SERGEF: variants seen among roughly 807,000 people sequenced by gnomAD.
The protein encoded by SERGEF is secretion regulating guanine nucleotide exchange factor, also known as secretion-regulating guanine nucleotide exchange factor.
A neutral mutation model predicts 50.0 loss-of-function variants in SERGEF; 51 were observed. The ratio of observed to expected loss-of-function variants is 1.02; its 90% CI spans 0.81 to 1.29. The LOEUF is 1.29. SERGEF is among the 50% of genes most tolerant of loss of function. SERGEF has a pLI of 0.00. For missense variants in SERGEF, 521 were observed against 557.0 expected, an observed-to-expected ratio of 0.94 and a Z score of 0.65; for synonymous variants, 205 against 212.4, an observed-to-expected ratio of 0.97 and a Z score of 0.30.
intron 6 of SERGEF, among the ~76,000 whole-genome samples, chr11:17,994,337 G>C (rs567735424): frequency 6.6e-6 from 1 of 151,922 alleles, no homozygotes; most frequent in Non-Finnish European, 1.5e-5. Context: ...TTAGCCAGGC[G>C]TGGTGGCAGG....
chr11:17,799,205 A>G (rs1849620703), intron 10 of SERGEF, among the ~76,000 whole-genome samples: 1 of 151,684 alleles, frequency 6.6e-6, no homozygotes, highest in African/African-American at 2.4e-5. Flanking sequence ...TGAGGTCCAG[A>G]GATGAAGGGC....
At chr11:17,999,684 C>T in intron 5 of SERGEF, 1 of 403,114 alleles carries the variant, frequency 2.5e-6, no homozygotes, top group South Asian at 1.8e-5. Flanking sequence ...CTGTCAGTCC[C>T]ATCACCCACT....
chr11:18,004,668 C>CA, intron 3 of SERGEF, 133 bp from the exon 4 acceptor site: 1 of 645,530 alleles, frequency 1.5e-6, no homozygotes, highest in Non-Finnish European at 2.8e-6. Flanking sequence ...ATATTCCCTG[C>CA]TTTTATTCCT....
At chr11:17,990,967 A>C (rs1407258261) in intron 7 of SERGEF, among the ~76,000 whole-genome samples, 2 of 151,984 alleles carry the variant, frequency 1.3e-5, no homozygotes, top group African/African-American at 4.8e-5. Context: ...GGGTTTCTAC[A>C]AAAAAACTCC....
In SERGEF at chr11:17,985,343, C is replaced by A. The variant is rs1340698756; in HGVS notation, c.844+3254G>T. 2.0e-5 allele frequency among the ~76,000 whole-genome samples: 3 copies of A among 152,216 alleles called. No homozygotes were observed. The East Asian group carries it at 5.8e-4, about 29-fold the overall frequency. ...AATGCAGGCAGGTTTTAATACCAGA[C>A]TTCAGAGTTGAGGAAACTGAGGCCT... On this transcript the variant is annotated intron_variant, in intron 8 of 10. Coordinates refer to ENST00000265965, the MANE Select transcript of SERGEF (RefSeq NM_012139.4).
intron 10 of SERGEF, among the ~76,000 whole-genome samples, chr11:17,861,615 C>T (rs1035344938): frequency 1.3e-5 from 2 of 152,258 alleles, no homozygotes; most frequent in African/African-American, 4.8e-5. Flanking sequence ...GCAGTGAGCA[C>T]ACATGAGGAC....
chr11:17,906,528 G>A (rs1253005537), intron 9 of SERGEF, among the ~76,000 whole-genome samples: 2 of 152,210 alleles, frequency 1.3e-5, no homozygotes, highest in African/African-American at 4.8e-5. Context: ...TGGGGGTGGG[G>A]CGCTTGGTGG....
At chr11:17,931,641 T>A (rs1453181346) in intron 9 of SERGEF, among the ~76,000 whole-genome samples, 2 of 152,198 alleles carry the variant, frequency 1.3e-5, no homozygotes, top group African/African-American at 2.4e-5. Context: ...CCAGTCCATA[T>A]GCCACAAGGT....
At chr11:17,993,023 A>G in intron 6 of SERGEF, 30 bp from the exon 7 acceptor site, 2 of 1,591,016 alleles carry the variant, frequency 1.3e-6, no homozygotes, top group South Asian at 1.1e-5. Context: ...CTTCTGAATT[A>G]CATTTATAAC....
Position 18,010,533 on chromosome 11 carries a change from A to T in SERGEF, c.60+2418T>A, listed in dbSNP as rs926649772. ...CCTTACTGTGTCTCTTAGAAAAAAT[A>T]AAAAAAGGACATACAGTGAAGCAGC... is the stretch of plus-strand genomic sequence containing the variant. On this transcript the variant is annotated intron_variant, in intron 1 of 10. Coordinates refer to ENST00000265965, the MANE Select transcript of SERGEF (RefSeq NM_012139.4). 3.3e-5 allele frequency among the ~76,000 whole-genome samples: 5 copies of T among 152,214 alleles called. No homozygotes were observed. The East Asian group carries it at 9.6e-4, about 29-fold the overall frequency.
chr11:17,798,650 C>T (rs1398900741), intron 10 of SERGEF, among the ~76,000 whole-genome samples: 1 of 152,244 alleles, frequency 6.6e-6, no homozygotes, highest in Non-Finnish European at 1.5e-5. Flanking sequence ...GTTTTATAAA[C>T]AACTGAAATC....
At chr11:17,981,329 G>C (rs1193784007) in intron 8 of SERGEF, among the ~76,000 whole-genome samples, 1 of 152,146 alleles carries the variant, frequency 6.6e-6, no homozygotes, top group African/African-American at 2.4e-5. Context: ...CCTTCCAATT[G>C]CTTGCCGAAA....
At chr11:17,825,615 A>C (rs1850179582) in intron 10 of SERGEF, among the ~76,000 whole-genome samples, 1 of 152,216 alleles carries the variant, frequency 6.6e-6, no homozygotes, top group Non-Finnish European at 1.5e-5. Flanking sequence ...ATTAGCTCTT[A>C]GATACTCATT....
chr11:17,824,186 A>G (rs1218500632), intron 10 of SERGEF, among the ~76,000 whole-genome samples: 3 of 152,240 alleles, frequency 2.0e-5, no homozygotes, highest in African/African-American at 7.2e-5. Context: ...CTGTAGTCCT[A>G]GCTACTCAGG....
intron 9 of SERGEF, among the ~76,000 whole-genome samples, chr11:17,925,436 A>G (rs1470873764): frequency 3.3e-5 from 5 of 152,200 alleles, no homozygotes; most frequent in African/African-American, 1.2e-4. Context: ...GAAGGAAGAG[A>G]AGAAGAAAAG....
chr11:17,869,574 T>C (rs1188636062), intron 10 of SERGEF, among the ~76,000 whole-genome samples: 1 of 152,190 alleles, frequency 6.6e-6, no homozygotes, highest in African/African-American at 2.4e-5. Flanking sequence ...TGTCCTCACA[T>C]GGCAAAAGGG....
At chr11:17,918,764 G>T (rs1379161197) in intron 9 of SERGEF, 1 of 441,244 alleles carries the variant, frequency 2.3e-6, no homozygotes, top group South Asian at 1.6e-5. Context: ...CCAAGGAGAT[G>T]CCATCTAAAG....
Position 17,962,341 on chromosome 11 carries a change from TA to T in SERGEF, c.845-2706del, listed in dbSNP as rs113666860. 6.5e-3 allele frequency among the ~76,000 whole-genome samples: 957 copies of T among 147,214 alleles called. 15 individuals are homozygous for T. Among genetic ancestry groups the T allele is most frequent in the African/African-American group, 0.021 (850 of 40,124 alleles). On this transcript the variant is annotated intron_variant, in intron 8 of 10. Coordinates refer to ENST00000265965, the MANE Select transcript of SERGEF (RefSeq NM_012139.4). ...GATGATGATTTTATGTCATCTGGAG[TA>T]AAAAAAAAACAATGAATCCACATAT...
intron 9 of SERGEF, chr11:17,939,488 G>C (rs1852520368): frequency 1.3e-5 from 2 of 152,202 alleles, no homozygotes; most frequent in Non-Finnish European, 2.9e-5. Context: ...TGTTGCACTG[G>C]AACACTCTGA....
Sources: allele counts gnomAD v4.1 joint callset (sites outside exome capture counted in the v4.1 genomes callset), GRCh38; gene constraint gnomAD v4.1.1; transcripts MANE v1.5; gene names NCBI Gene and HGNC (gene_info 2026-07-23, HGNC 2026-07-21).